The following HMGCLL1 variants were observed in gnomAD, a reference collection of about 807,000 sequenced individuals.
HMGCLL1 encodes the protein 3-hydroxy-3-methylglutaryl-CoA lyase like 1, also known as 3-hydroxymethyl-3-methylglutaryl-CoA lyase, cytoplasmic.
HMGCLL1 carries 36 observed loss-of-function variants against 39.1 expected under a neutral mutation model. The observed-to-expected ratio is 0.92, with a 90% CI of 0.71 to 1.22. The LOEUF is 1.22. HMGCLL1 is among the 50% of genes most tolerant of loss of function. The pLI is 0.00. For synonymous variants in HMGCLL1, 149 were observed against 144.0 expected (o/e 1.03, Z -0.25); for missense variants, 451 against 416.5 (o/e 1.08, Z -0.72).
chr6:55,558,954 C>T (rs9396108), intron 1 of HMGCLL1, among the ~76,000 whole-genome samples: 65,356 of 151,974 alleles, frequency 0.43, 14,149 homozygotes, highest in East Asian at 0.55. Context: ...AATCTGATTT[C>T]CACCCCAAGG....
At chr6:55,632,292 A>C in the HMGCLL1 span, among the ~76,000 whole-genome samples, 1 of 151,912 alleles carries the variant, frequency 6.6e-6, no homozygotes, top group East Asian at 1.9e-4. Context: ...ATTACATCTA[A>C]GGATTCTTAT....
intron 7 of HMGCLL1, among the ~76,000 whole-genome samples, chr6:55,462,687 A>G (rs1162704899): frequency 2.0e-5 from 3 of 152,160 alleles, no homozygotes; most frequent in Non-Finnish European, 4.4e-5. Context: ...TGCTTAGGTA[A>G]GCTGCCATAG....
At chr6:55,552,347 C>T (rs765941009) in intron 1 of HMGCLL1, among the ~76,000 whole-genome samples, 25 of 151,996 alleles carry the variant, frequency 1.6e-4, no homozygotes, top group Non-Finnish European at 2.9e-4. Context: ...ACAGGTGCAT[C>T]TTCTAGGCAT....
intron 3 of HMGCLL1, among the ~76,000 whole-genome samples, chr6:55,524,322 T>C (rs1768195689): frequency 6.6e-6 from 1 of 151,684 alleles, no homozygotes; most frequent in Non-Finnish European, 1.5e-5. Flanking sequence ...TTTTTAAAAC[T>C]AAAATTTTAT....
chr6:55,450,883 C>T (rs755560742), intron 7 of HMGCLL1, among the ~76,000 whole-genome samples: 1 of 152,038 alleles, frequency 6.6e-6, no homozygotes, highest in Non-Finnish European at 1.5e-5. Context: ...TACATATATC[C>T]CTTAACAGAG....
chr6:55,483,114 C>T (rs1283011918), intron 7 of HMGCLL1, among the ~76,000 whole-genome samples: 1 of 152,062 alleles, frequency 6.6e-6, no homozygotes, highest in Non-Finnish European at 1.5e-5. Flanking sequence ...TTGAAAAATA[C>T]ACCAATTTCT....
intron 3 of HMGCLL1, among the ~76,000 whole-genome samples, chr6:55,525,849 A>C (rs1308676887): frequency 6.6e-6 from 1 of 151,962 alleles, no homozygotes; most frequent in Non-Finnish European, 1.5e-5. Context: ...GAAGTTTTGG[A>C]GTAGATTCCT....
At chr6:55,540,718 T>C (rs1278854289) in intron 3 of HMGCLL1, among the ~76,000 whole-genome samples, 1 of 152,176 alleles carries the variant, frequency 6.6e-6, no homozygotes, top group Non-Finnish European at 1.5e-5. Context: ...AGATTTGCAC[T>C]CCTGGCATAA....
the HMGCLL1 span, among the ~76,000 whole-genome samples, chr6:55,658,114 C>G: frequency 1.3e-5 from 2 of 151,502 alleles, no homozygotes; most frequent in African/African-American, 4.8e-5. Context: ...AATAAAAATT[C>G]TAAAATTCTT....
the HMGCLL1 span, among the ~76,000 whole-genome samples, chr6:55,647,795 T>A: frequency 2.2e-5 from 3 of 135,126 alleles, no homozygotes; most frequent in African/African-American, 5.7e-5. Context: ...ATACTCTAAG[T>A]TTTAGGGTAC....
the HMGCLL1 span, among the ~76,000 whole-genome samples, chr6:55,667,226 G>GT: frequency 1.3e-5 from 2 of 151,654 alleles, no homozygotes. Flanking sequence ...TTCATTGGTT[G>GT]TAACAAGTAA....
chr6:55,532,262 G>A (rs1768726849), intron 3 of HMGCLL1, among the ~76,000 whole-genome samples: 2 of 152,068 alleles, frequency 1.3e-5, no homozygotes, highest in Non-Finnish European at 2.9e-5. Flanking sequence ...TTTAGCTAGT[G>A]GGGGTAAAAA....
chr6:55,567,838 C>T (rs888552468), intron 1 of HMGCLL1, among the ~76,000 whole-genome samples: 1 of 152,126 alleles, frequency 6.6e-6, no homozygotes, highest in African/African-American at 2.4e-5. Context: ...AGCTCTTCTG[C>T]TCTCTCAACC....
Position 55,435,588 on chromosome 6 carries a change from G to T in HMGCLL1, c.*74C>A. 1 of 723,254 alleles carries T rather than the reference G, an allele frequency of 1.4e-6. No homozygotes were observed. Among genetic ancestry groups the T allele is most frequent in the Non-Finnish European group, 2.3e-6 (1 of 439,792 alleles). 44.8% of individuals were successfully genotyped at this position (723,254 alleles called of 1,614,324 possible). ...ATTACTTCACATATCAGAGCAAGTT[G>T]GCATTAATGATTTTCAGATGAGTAT... On this transcript the variant is annotated 3_prime_UTR_variant, in exon 9 of 9. Transcript: ENST00000274901.
chr6:55,558,410 A>T (rs1770777211), intron 1 of HMGCLL1, among the ~76,000 whole-genome samples: 2 of 152,216 alleles, frequency 1.3e-5, no homozygotes, highest in Admixed American at 1.3e-4. Context: ...AATTAATCCT[A>T]TCCCCATATT....
intron 7 of HMGCLL1, among the ~76,000 whole-genome samples, chr6:55,457,254 C>G (rs1409297383): frequency 6.6e-6 from 1 of 152,216 alleles, no homozygotes; most frequent in East Asian, 1.9e-4. Flanking sequence ...CTATCCTCTT[C>G]TAAGTATTTT....
the HMGCLL1 span, among the ~76,000 whole-genome samples, chr6:55,674,094 G>A: frequency 6.6e-6 from 1 of 151,970 alleles, no homozygotes; most frequent in East Asian, 1.9e-4. Context: ...GTAGTAGCAT[G>A]TCGTAATGTT....
the HMGCLL1 span, among the ~76,000 whole-genome samples, chr6:55,597,665 C>T: frequency 6.6e-6 from 1 of 151,824 alleles, no homozygotes. Flanking sequence ...GAACTACCAA[C>T]AACAATGGTA....
chr6:55,591,070 G>T, the HMGCLL1 span, among the ~76,000 whole-genome samples: 1 of 151,916 alleles, frequency 6.6e-6, no homozygotes, highest in Non-Finnish European at 1.5e-5. Context: ...ATAATAAAAA[G>T]ACACTTTTTA....
Sources: allele counts gnomAD v4.1 joint callset (sites outside exome capture counted in the v4.1 genomes callset), GRCh38; gene constraint gnomAD v4.1.1; transcripts MANE v1.5; gene names NCBI Gene and HGNC (gene_info 2026-07-23, HGNC 2026-07-21).